The following GLIS3 variants were observed in gnomAD, a reference collection of about 807,000 sequenced individuals.
GLIS3 encodes zinc finger protein GLIS3.
Under a neutral mutation model 78.6 loss-of-function variants are expected in GLIS3, and 53 were observed. The observed-to-expected ratio is 0.67, with a 90% CI of 0.54 to 0.85. The LOEUF is 0.85. GLIS3 is among the 40% of genes least tolerant of loss of function. GLIS3 has a pLI of 0.00. For synonymous variants in GLIS3, 684 were observed against 509.9 expected, an observed-to-expected ratio of 1.34 and a Z score of -4.60; for missense variants, 1,703 against 1,231.1, an observed-to-expected ratio of 1.38 and a Z score of -5.74.
At chr9:4,074,549 C>T (rs935730558) in intron 4 of GLIS3, among the ~76,000 whole-genome samples, 2 of 152,108 alleles carry the variant, frequency 1.3e-5, no homozygotes, top group Admixed American at 6.5e-5. Flanking sequence ...AAAGATTCTA[C>T]CCAACTGTAT....
rs1366704464 is a variant in GLIS3, at chr9:4,346,809, G to A, written n.264+272C>T. Among the ~76,000 whole-genome samples, 15 of 5,718 alleles carry A rather than the reference G, an allele frequency of 2.6e-3. 7 individuals are homozygous for A. Among genetic ancestry groups the A allele is most frequent in the African/African-American group, 2.8e-3 (15 of 5,276 alleles). The allele number at this position is 5,718 out of a possible 152,430, so 3.8% of individuals were successfully genotyped here. On this transcript the variant is annotated intron_variant and non_coding_transcript_variant, in intron 2 of 4. Coordinates refer to the GLIS3 transcript ENST00000471664. ...CTACTAAAAATACAAAAAATTAGCC[G>A]GGCGTAGTGGCGGGCGCCTGTAGTC... is the stretch of plus-strand genomic sequence containing the variant.
At chr9:4,468,010 G>A in the GLIS3 span, among the ~76,000 whole-genome samples, 187 of 152,218 alleles carry the variant, frequency 1.2e-3, no homozygotes, top group African/African-American at 4.2e-3. Flanking sequence ...TTCAGTAGTC[G>A]ATTCAATCAA....
At position 3,854,525 on chromosome 9, in the gene GLIS3, G is replaced by C. The variant is rs968243782; in HGVS notation, c.2473+1484C>G. Among the ~76,000 whole-genome samples, 106 of 133,092 alleles carry C rather than the reference G, an allele frequency of 8.0e-4. 3 individuals carry two copies. Among genetic ancestry groups the C allele is most frequent in the Non-Finnish European group, 4.8e-5 (3 of 61,862 alleles). 87.3% of individuals were successfully genotyped at this position (133,092 alleles called of 152,430 possible). On this transcript the variant is annotated intron_variant, in intron 9 of 10. Coordinates refer to ENST00000381971, the MANE Select transcript of GLIS3 (RefSeq NM_001042413.2). Reference sequence around the variant, plus strand: ...AATATCACCTCGTCTTTGCTGTTCAGGCCTTTACGTTGATGTTCTTTTTTT... The same window carrying C: ...AATATCACCTCGTCTTTGCTGTTCACGCCTTTACGTTGATGTTCTTTTTTT...
the GLIS3 span, among the ~76,000 whole-genome samples, chr9:4,408,706 A>G: frequency 0.52 from 55,995 of 107,584 alleles, 15,077 homozygotes; most frequent in African/African-American, 0.66. Flanking sequence ...CAGCCTGGGC[A>G]ACAGAGCCAG....
chr9:4,316,010 G>A (rs1484657531), intron 2 of GLIS3, among the ~76,000 whole-genome samples: 1 of 152,096 alleles, frequency 6.6e-6, no homozygotes, highest in Non-Finnish European at 1.5e-5. Flanking sequence ...ATTTTTAAAA[G>A]AAAACACATA....
rs73388255 is a variant in GLIS3, at chr9:4,008,574, G to A, written c.1711-71385C>T. On this transcript the variant is annotated intron_variant, in intron 4 of 10. Coordinates refer to ENST00000381971, the MANE Select transcript of GLIS3 (RefSeq NM_001042413.2). ...CTTAGCTTGACATCTTTTAACAGAG[G>A]GGCAAAAGTTGATTTCTGTGGCCAG... 7.2e-3 allele frequency among the ~76,000 whole-genome samples: 1,091 copies of A among 152,222 alleles called. 18 individuals carry two copies. Among genetic ancestry groups the A allele is most frequent in the African/African-American group, 0.024 (1,016 of 41,534 alleles).
the GLIS3 span, among the ~76,000 whole-genome samples, chr9:4,454,406 C>T: frequency 6.6e-6 from 1 of 152,164 alleles, no homozygotes; most frequent in Non-Finnish European, 1.5e-5. Flanking sequence ...GAACCCTGCA[C>T]ATACCTCTAA....
At chr9:4,483,913 C>G in the GLIS3 span, among the ~76,000 whole-genome samples, 1 of 152,232 alleles carries the variant, frequency 6.6e-6, no homozygotes, top group East Asian at 1.9e-4. Flanking sequence ...ATTCTTCCAG[C>G]AGCCTCATGA....
chr9:4,255,258 T>C (rs1344918604), intron 2 of GLIS3, among the ~76,000 whole-genome samples: 1 of 152,216 alleles, frequency 6.6e-6, no homozygotes, highest in Non-Finnish European at 1.5e-5. Context: ...CATTCAGTGC[T>C]GGTGGGTATG....
chr9:4,318,452 G>A (rs1177893702), intron 2 of GLIS3, among the ~76,000 whole-genome samples: 3 of 152,162 alleles, frequency 2.0e-5, no homozygotes, highest in African/African-American at 7.2e-5. Flanking sequence ...CGAGCCGTAA[G>A]CATCTTGTGA....
At chr9:4,142,873 G>C (rs938274774) in intron 2 of GLIS3, among the ~76,000 whole-genome samples, 2 of 152,098 alleles carry the variant, frequency 1.3e-5, no homozygotes, top group African/African-American at 2.4e-5. Flanking sequence ...GGATATGCAT[G>C]TTTCAGAGAA....
intron 2 of GLIS3, among the ~76,000 whole-genome samples, chr9:4,192,327 ACCT>A (rs1818402227): frequency 6.6e-6 from 1 of 152,218 alleles, no homozygotes; most frequent in Non-Finnish European, 1.5e-5. Context: ...AAAAGGTGAC[ACCT>A]CAGTTATTTT....
chr9:4,388,125 A>G, the GLIS3 span, among the ~76,000 whole-genome samples: 1 of 152,224 alleles, frequency 6.6e-6, no homozygotes, highest in African/African-American at 2.4e-5. Flanking sequence ...ATCAAAGTAT[A>G]AGGTTATCCA....
chr9:4,288,070 G>T (rs77384864), intron 1 of GLIS3, among the ~76,000 whole-genome samples: 13,408 of 152,230 alleles, frequency 0.088, 657 homozygotes, highest in African/African-American at 0.14. Context: ...TACGAAGCAG[G>T]AGTGACCAGA....
rs1252228418 is a variant in GLIS3 at position 4,235,210 on chromosome 9, A to C, written c.388+50828T>G. Among the ~76,000 whole-genome samples the C allele has an allele frequency of 2.0e-5, 3 of 151,264 alleles. No individual in the cohort carries two copies. In the East Asian group the frequency reaches 5.9e-4, roughly 30 times the overall value. On this transcript the variant is annotated intron_variant, in intron 2 of 10. Coordinates refer to ENST00000381971, the MANE Select transcript of GLIS3 (RefSeq NM_001042413.2). ...GCTACTCCGGAGGCTGAGGCAGGAG[A>C]ATCGCTTGAACCCGGGAGGCGGAGG...
the GLIS3 span, among the ~76,000 whole-genome samples, chr9:4,367,085 T>C: frequency 7.2e-5 from 11 of 152,228 alleles, no homozygotes; most frequent in Non-Finnish European, 1.5e-4. Context: ...ATTAAAACCC[T>C]TCTAATTTCA....
the GLIS3 span, among the ~76,000 whole-genome samples, chr9:4,368,477 C>T: frequency 5.3e-5 from 8 of 151,938 alleles, no homozygotes; most frequent in East Asian, 1.9e-4. Context: ...CCCAAGTAGC[C>T]GGGACTACAG....
rs372310097 is a variant in GLIS3, at chr9:3,940,539, G to C, written c.1711-3350C>G. Reference sequence around the variant, plus strand: ...AGGTCTTCTGCTTCCTGGGCTAGCTGTAGGAACCATGAGCCCAGGACTCAG... The same window carrying C: ...AGGTCTTCTGCTTCCTGGGCTAGCTCTAGGAACCATGAGCCCAGGACTCAG... On this transcript the variant is annotated intron_variant, in intron 4 of 10. Coordinates refer to ENST00000381971, the MANE Select transcript of GLIS3 (RefSeq NM_001042413.2). Among the ~76,000 whole-genome samples, 6 of 152,276 alleles carry C rather than the reference G, an allele frequency of 3.9e-5. No homozygotes were observed. The South Asian group carries it at 1.2e-3, about 32-fold the overall frequency.
intron 1 of GLIS3, chr9:4,298,515 T>C (rs1485698064): frequency 2.1e-5 from 9 of 434,168 alleles, no homozygotes; most frequent in Admixed American, 5.0e-5. Context: ...GGGCAAGGTG[T>C]GTGTCTAGGA....
Sources: allele counts gnomAD v4.1 joint callset (sites outside exome capture counted in the v4.1 genomes callset), GRCh38; gene constraint gnomAD v4.1.1; transcripts MANE v1.5; gene names NCBI Gene and HGNC (gene_info 2026-07-23, HGNC 2026-07-21).